Variants in MYH14 observed in about 807,000 individuals in gnomAD.
The protein encoded by MYH14 is myosin-14.
A neutral mutation model predicts 255.5 loss-of-function variants in MYH14; 123 were observed. That is an observed-to-expected ratio of 0.48 (90% CI 0.42 to 0.56). MYH14 has a LOEUF of 0.56. Among genes scored for constraint, MYH14 ranks in the 20% least tolerant of loss-of-function variants. The probability of loss-of-function intolerance (pLI) is 0.00; values close to 1 mark genes in which losing one functional copy is unlikely to be tolerated. For missense variants in MYH14, 2,423 were observed against 2,802.3 expected (o/e 0.86, Z 3.06); for synonymous variants, 1,095 against 1,161.2 (o/e 0.94, Z 1.16).
rs368867017 is a variant in MYH14, at chr19:50,217,497, A to C, written c.406-118A>C. 775 of 1,104,542 alleles carry C rather than the reference A, an allele frequency of 7.0e-4. 1 individual carries two copies. Among genetic ancestry groups the C allele is most frequent in the Middle Eastern group, 2.7e-3 (14 of 5,102 alleles). 68.4% of individuals were successfully genotyped at this position (1,104,542 alleles called of 1,614,324 possible). A position where few individuals can be genotyped will look rare whatever the true frequency, so the allele number is the denominator to read the frequency against. On this transcript the variant is annotated intron_variant, in intron 2 of 42. Coordinates refer to ENST00000642316, the MANE Select transcript of MYH14 (RefSeq NM_001145809.2). ...ATTCAAATCTACATTGTTATGGTGT[A>C]GACATACCATGTGCAGATAGATGCC...
rs1027999903 is a variant in MYH14, at chr19:50,230,362, G to A, written c.875-163G>A. Among the ~76,000 whole-genome samples, 3 of 152,200 alleles carry A rather than the reference G, an allele frequency of 2.0e-5. No individual in the cohort carries two copies. The highest frequency in any genetic ancestry group is 7.2e-5 in the African/African-American group (3 of 41,442). ...ACAAGTGCTTAAGTGACATGAGCACGGCTGCTCTTCCAGTTAGTGGCAAAG... is the reference window on the plus strand; with the variant it reads ...ACAAGTGCTTAAGTGACATGAGCACAGCTGCTCTTCCAGTTAGTGGCAAAG... On this transcript the variant is annotated intron_variant, in intron 8 of 42. Transcript: ENST00000642316. The surrounding 1 kb of genome is among the most constrained non-coding windows in gnomAD (Gnocchi z 4.7).
In MYH14 at chr19:50,207,834, C is replaced by A. The variant is rs2031898530; in HGVS notation, c.-3-2529C>A. The stretch of plus-strand genomic sequence containing the variant: ...GTACCTTTTGTCCCCTCTCTTACAT[C>A]CCCTCCCACCCTCTGCCCCTCGATC... On this transcript the variant is annotated intron_variant, in intron 1 of 42. Transcript: ENST00000642316. Among the ~76,000 whole-genome samples the A allele has an allele frequency of 9.2e-5, 14 of 152,268 alleles. 1 individual carries two copies. In the South Asian group the frequency reaches 2.9e-3, roughly 32 times the overall value.
chr19:50,210,293 T>C, intron 1 of MYH14, 70 bp from the exon 2 acceptor site: 1 of 1,398,276 alleles, frequency 7.2e-7, no homozygotes. Flanking sequence ...CTGGGGAATT[T>C]GGGGTAGGGA....
chr19:50,268,095 G>A, intron 23 of MYH14, 66 bp from the exon 24 acceptor site: 2 of 1,504,980 alleles, frequency 1.3e-6, no homozygotes, highest in Non-Finnish European at 1.8e-6. Flanking sequence ...CAAGGCAGTA[G>A]GCACCCAGTG....
At chr19:50,254,735 C>T (rs959287289) in intron 16 of MYH14, among the ~76,000 whole-genome samples, 6 of 152,190 alleles carry the variant, frequency 3.9e-5, no homozygotes, top group Admixed American at 2.6e-4. Flanking sequence ...AGTGGGGAAT[C>T]GGGGCCATTT....
At chr19:50,251,685 C>A (rs948519856) in intron 15 of MYH14, among the ~76,000 whole-genome samples, 4 of 151,994 alleles carry the variant, frequency 2.6e-5, no homozygotes, top group Non-Finnish European at 4.4e-5. Flanking sequence ...TCAAGCAATT[C>A]TTCTGCCTCA....
Position 50,230,666 on chromosome 19 carries a change from G to A in MYH14, c.973+43G>A. On this transcript the variant is annotated intron_variant, in intron 9 of 42. Transcript: ENST00000642316. This position sits in a 1 kb window ranked among gnomAD's most constrained non-coding sequence, Gnocchi z 4.7. ...CTACCCTGCTCACCCGGGAGAGGGT[G>A]GGCACCATGTCTCTCGGGGGCCCCT... is the stretch of plus-strand genomic sequence containing the variant. The A allele has an allele frequency of 6.6e-7, 1 of 1,520,510 alleles. No homozygotes were observed. The allele number at this position is 1,520,510 out of a possible 1,614,324, so 94.2% of individuals were successfully genotyped here. A position where few individuals can be genotyped will look rare whatever the true frequency, so the allele number is the denominator to read the frequency against.
In MYH14 at chr19:50,276,249, G is replaced by A; in HGVS notation, c.3680+46G>A. 8 of 1,374,658 alleles carry A rather than the reference G, an allele frequency of 5.8e-6. No homozygotes were observed. Among genetic ancestry groups the A allele is most frequent in the Non-Finnish European group, 7.8e-6 (8 of 1,019,896 alleles). 85.2% of individuals were successfully genotyped at this position (1,374,658 alleles called of 1,614,324 possible). A position where few individuals can be genotyped will look rare whatever the true frequency, so the allele number is the denominator to read the frequency against. On this transcript the variant is annotated intron_variant, in intron 28 of 42. Coordinates refer to ENST00000642316, the MANE Select transcript of MYH14 (RefSeq NM_001145809.2). The surrounding 1 kb of genome is among the most constrained non-coding windows in gnomAD (Gnocchi z 4.3). ...GCTGTCACAGCCTGTGCACATACAGGGCTGGGGGAAGGACTTAGGTACAAA... is the reference window on the plus strand; with the variant it reads ...GCTGTCACAGCCTGTGCACATACAGAGCTGGGGGAAGGACTTAGGTACAAA...
intron 17 of MYH14, among the ~76,000 whole-genome samples, 200 bp from the exon 18 acceptor site, chr19:50,257,099 C>CTTA (rs1375818602): frequency 6.6e-6 from 1 of 152,196 alleles, no homozygotes; most frequent in Non-Finnish European, 1.5e-5. Context: ...GCTGTGTGAC[C>CTTA]TTAAGCACAT....
intron 2 of MYH14, among the ~76,000 whole-genome samples, chr19:50,215,917 G>A (rs1022452136): frequency 6.6e-6 from 1 of 152,212 alleles, no homozygotes; most frequent in African/African-American, 2.4e-5. Flanking sequence ...ATCACACACA[G>A]CTAGAAAACA....
intron 10 of MYH14, among the ~76,000 whole-genome samples, chr19:50,234,982 G>T (rs1477840826): frequency 2.0e-5 from 3 of 152,094 alleles, no homozygotes; most frequent in Non-Finnish European, 4.4e-5. Context: ...CATATTATTT[G>T]TCTATAGGAG....
intron 24 of MYH14, 82 bp from the exon 25 acceptor site, chr19:50,271,327 C>T: frequency 1.4e-6 from 2 of 1,463,030 alleles, no homozygotes; most frequent in South Asian, 2.6e-5. Flanking sequence ...ATCCGTGGGC[C>T]AGCCATCCCC....
intron 27 of MYH14, among the ~76,000 whole-genome samples, chr19:50,273,665 G>A (rs2035402260): frequency 1.3e-5 from 2 of 149,630 alleles, no homozygotes; most frequent in African/African-American, 2.5e-5. Context: ...GTTTTGAAAC[G>A]GAGTCTTGCC....
Position 50,290,915 on chromosome 19 carries a change from A to G in MYH14, c.4994A>G (p.Glu1665Gly). ...QLRDAEVERD[E>G]ERKQRTLAVA... ...AGAGATGCAGAGGTGGAGCGGGATG[A>G]GGAGCGGAAGCAGCGCACTCTGGCC... Residue 1665 changes from glutamate to glycine, a missense_variant, in exon 36 of 43, where the codon GAG (glutamate) becomes GGG (glycine). Glu to Gly is a moderately conservative substitution (Grantham distance 98). Transcript: ENST00000642316. 6.4e-7 allele frequency: 1 copy of G among 1,573,890 alleles called. No homozygotes were observed. Among genetic ancestry groups the G allele is most frequent in the Admixed American group, 1.9e-5 (1 of 53,390 alleles).
chr19:50,261,515 G>C lies in MYH14; in HGVS notation c.2465G>C (p.Gly822Ala). The C allele has an allele frequency of 6.3e-7, 1 of 1,579,884 alleles. No individual in the cohort carries two copies. Residue 822 changes from glycine to alanine, a missense_variant, in exon 21 of 43, where the codon GGA (glycine) becomes GCA (alanine). By Grantham distance (60) the Gly-to-Ala change is moderately conservative (BLOSUM62 0). Coordinates refer to ENST00000642316, the MANE Select transcript of MYH14 (RefSeq NM_001145809.2). The stretch of plus-strand genomic sequence containing the variant: ...CTGGACCCCAACCTCTACCGCGTGG[G>C]ACAGAGCAAGATCTTCTTCCGGGCT... ...LELDPNLYRV[G>A]QSKIFFRAGV...
In MYH14 at chr19:50,230,876, C is replaced by T. The variant is rs2033347140; in HGVS notation, c.973+253C>T. The T allele has an allele frequency of 6.2e-6, 3 of 487,074 alleles. No individual in the cohort carries two copies. Among genetic ancestry groups the T allele is most frequent in the South Asian group, 5.6e-5 (2 of 36,028 alleles). 30.2% of individuals were successfully genotyped at this position (487,074 alleles called of 1,614,324 possible). A position where few individuals can be genotyped will look rare whatever the true frequency, so the allele number is the denominator to read the frequency against. On this transcript the variant is annotated intron_variant, in intron 9 of 42. Coordinates refer to ENST00000642316, the MANE Select transcript of MYH14 (RefSeq NM_001145809.2). The surrounding 1 kb of genome is among the most constrained non-coding windows in gnomAD (Gnocchi z 4.7). ...GCTGTCACGGCCACGCAGCCCCCGC[C>T]GCCTGGTGGCTCCTGCTCACGCTCG...
At chr19:50,305,502 A>C (rs1456834179) in intron 40 of MYH14, among the ~76,000 whole-genome samples, 2 of 152,056 alleles carry the variant, frequency 1.3e-5, no homozygotes, top group Non-Finnish European at 2.9e-5. Context: ...GCATGAGACA[A>C]GTGGTTCTCA....
rs985325964 is a variant in MYH14 at position 50,276,962 on chromosome 19, G to T, written c.3825+61G>T. 14 of 1,350,500 alleles carry T rather than the reference G, an allele frequency of 1.0e-5. No individual in the cohort carries two copies. The African/African-American group carries it at 2.0e-4, about 19-fold the overall frequency. The allele number at this position is 1,350,500 out of a possible 1,614,324, so 83.7% of individuals were successfully genotyped here. ...CGGGGAGGGCAGGGCAGGACGCGGG[G>T]TTGGAGGAGGTACCGCTGGCTGGTT... On this transcript the variant is annotated intron_variant, in intron 29 of 42. Transcript: ENST00000642316. The surrounding 1 kb of genome is among the most constrained non-coding windows in gnomAD (Gnocchi z 4.3).
intron 22 of MYH14, among the ~76,000 whole-genome samples, chr19:50,264,327 C>T (rs889905303): frequency 1.3e-5 from 2 of 152,194 alleles, no homozygotes; most frequent in East Asian, 1.9e-4. Context: ...GTTACTCAGT[C>T]TCCAGCCCCT....
Sources: gnomAD v4.1 joint callset for allele counts (sites outside exome capture counted in the v4.1 genomes callset) on GRCh38, gnomAD v4.1.1 for gene constraint, Gnocchi (gnomAD v3.1) non-coding constraint, MANE v1.5 for transcripts, NCBI Gene and HGNC (gene_info 2026-07-23, HGNC 2026-07-21) for gene names.